The following KAT6A variants were observed in gnomAD, a reference collection of about 807,000 sequenced individuals.
KAT6A encodes the protein lysine acetyltransferase 6A.
In KAT6A, 9 loss-of-function variants were observed where a neutral mutation model predicts 198.4. That is an observed-to-expected ratio of 0.05 (90% confidence interval 0.03 to 0.08). The LOEUF is 0.08. KAT6A is among the 10% of genes least tolerant of loss of function. KAT6A has a pLI of 1.00. For missense variants in KAT6A, 2,077 were observed against 2,509.9 expected, an observed-to-expected ratio of 0.83 and a Z score of 3.69; for synonymous variants, 890 against 883.0, an observed-to-expected ratio of 1.01 and a Z score of -0.14.
At chr8:42,007,961 CAAAAAAAAA>C (rs988491987) in intron 2 of KAT6A, among the ~76,000 whole-genome samples, 5 of 42,896 alleles carry the variant, frequency 1.2e-4, no homozygotes, top group East Asian at 7.3e-4. Flanking sequence ...GACTCCGTCT[CAAAAAAAAA>C]AAAAAAAAAA....
intron 16 of KAT6A, among the ~76,000 whole-genome samples, chr8:41,936,767 A>T (rs888263495): frequency 6.6e-6 from 1 of 152,360 alleles, no homozygotes. Flanking sequence ...AACAGATGTG[A>T]CACAAGTTCC....
At position 41,980,944 on chromosome 8, in the gene KAT6A, A is replaced by G. The variant is rs1423966660; in HGVS notation, c.826-17T>C. ...CATGTTATCCTATTAGAAAAAAGAA[A>G]GGACAGTTTTGCTTAACCTTATGAA... On this transcript the variant is annotated splice_polypyrimidine_tract_variant and intron_variant, in intron 4 of 16. Coordinates refer to ENST00000265713, the MANE Select transcript of KAT6A (RefSeq NM_006766.5). 2.5e-6 allele frequency: 4 copies of G among 1,581,770 alleles called. No individual in the cohort carries two copies. In the African/African-American group the frequency reaches 5.4e-5, roughly 21 times the overall value.
In KAT6A at chr8:41,978,492, T is replaced by C; in HGVS notation, c.1043+150A>G. ...CACTTAGAATAGTGTCTGGCACTTA[T>C]TAAGGGCTGAATAAGTGTTAGCCAT... On this transcript the variant is annotated intron_variant, in intron 6 of 16. Coordinates refer to ENST00000265713, the MANE Select transcript of KAT6A (RefSeq NM_006766.5). The C allele has an allele frequency of 7.9e-6, 6 of 763,892 alleles. No homozygotes were observed. In the Middle Eastern group the frequency reaches 7.3e-4, roughly 93 times the overall value. The allele number at this position is 763,892 out of a possible 1,614,324, so 47.3% of individuals were successfully genotyped here. A position where few individuals can be genotyped will look rare whatever the true frequency, so the allele number is the denominator to read the frequency against.
chr8:41,952,527 C>T (rs1587734368), intron 9 of KAT6A, among the ~76,000 whole-genome samples: 1 of 152,164 alleles, frequency 6.6e-6, no homozygotes, highest in South Asian at 2.1e-4. Context: ...TACAAGATTA[C>T]TTAATAGGCA....
intron 2 of KAT6A, among the ~76,000 whole-genome samples, chr8:42,006,188 G>C (rs1825736002): frequency 6.6e-6 from 1 of 152,204 alleles, no homozygotes; most frequent in Non-Finnish European, 1.5e-5. Flanking sequence ...GAAGAGTCTA[G>C]CCTTGTCTGC....
At chr8:42,045,879 G>A (rs1802254629) in intron 2 of KAT6A, among the ~76,000 whole-genome samples, 1 of 151,538 alleles carries the variant, frequency 6.6e-6, no homozygotes. Context: ...CAGCTACTCA[G>A]GAGGTTGAGG....
Position 42,048,998 on chromosome 8 carries a change from CAT to C in KAT6A, c.-23_-22del. ...ACCATGGTGAAGGATTCTGTATATC[CAT>C]AGAGTCGTTATCCCTTATCCTGATG... On this transcript the variant is annotated 5_prime_UTR_variant, in exon 2 of 17. The change abolishes an upstream ATG in the 5' untranslated region. Coordinates refer to ENST00000265713, the MANE Select transcript of KAT6A (RefSeq NM_006766.5). 1 of 1,601,320 alleles carries C rather than the reference CAT, an allele frequency of 6.2e-7. No homozygotes were observed. Among genetic ancestry groups the C allele is most frequent in the Non-Finnish European group, 8.5e-7 (1 of 1,175,342 alleles).
intron 2 of KAT6A, among the ~76,000 whole-genome samples, chr8:42,014,131 C>A (rs1464803392): frequency 6.6e-6 from 1 of 151,164 alleles, no homozygotes; most frequent in African/African-American, 2.4e-5. Context: ...AAAAAAAAAA[C>A]ATTTTTAGCT....
At chr8:41,968,752 A>G (rs1211074255) in intron 8 of KAT6A, among the ~76,000 whole-genome samples, 1 of 152,188 alleles carries the variant, frequency 6.6e-6, no homozygotes, top group African/African-American at 2.4e-5. Flanking sequence ...TTGAAATAAA[A>G]TTCTAGAACA....
At chr8:42,028,838 G>C (rs986520368) in intron 2 of KAT6A, among the ~76,000 whole-genome samples, 1 of 152,078 alleles carries the variant, frequency 6.6e-6, no homozygotes, top group Non-Finnish European at 1.5e-5. Flanking sequence ...GTAATTTCCT[G>C]TGGTAATATT....
chr8:42,017,020 T>C (rs560150125), intron 2 of KAT6A, among the ~76,000 whole-genome samples: 54 of 152,264 alleles, frequency 3.5e-4, no homozygotes, highest in Admixed American at 9.2e-4. Context: ...TTTAGATACT[T>C]GATAGAGACT....
At chr8:41,957,067 T>C (rs747578860) in intron 8 of KAT6A, 12 of 598,740 alleles carry the variant, frequency 2.0e-5, no homozygotes, top group Non-Finnish European at 3.3e-6. Context: ...GCACTGTCTG[T>C]TGTTTGAGGG....
At chr8:41,979,112 A>C (rs1824216371) in intron 5 of KAT6A, among the ~76,000 whole-genome samples, 1 of 151,710 alleles carries the variant, frequency 6.6e-6, no homozygotes, top group African/African-American at 2.4e-5. Flanking sequence ...TACTAAAAAT[A>C]CAAAAATTAG....
intron 8 of KAT6A, among the ~76,000 whole-genome samples, chr8:41,973,579 GC>G (rs1381698226): frequency 6.6e-6 from 1 of 152,162 alleles, no homozygotes; most frequent in African/African-American, 2.4e-5. Context: ...TTTGTTGGTG[GC>G]AAAGAAGGAA....
In KAT6A at chr8:42,040,735, CAAAAAAAAAAAA is replaced by C. The variant is rs59959496; in HGVS notation, c.600+7631_600+7642del. On this transcript the variant is annotated intron_variant, in intron 2 of 16. Coordinates refer to ENST00000265713, the MANE Select transcript of KAT6A (RefSeq NM_006766.5). ...AAGTGACAAGAGCAAGACTCTGTCTCAAAAAAAAAAAAAAAAAAAAAAAAAGAAAGAAAGAAA... is the reference window on the plus strand; with the variant it reads ...AAGTGACAAGAGCAAGACTCTGTCTCAAAAAAAAAAAAAGAAAGAAAGAAA... Among the ~76,000 whole-genome samples, 24 of 54,670 alleles carry C rather than the reference CAAAAAAAAAAAA, an allele frequency of 4.4e-4. 1 individual carries two copies. Among genetic ancestry groups the C allele is most frequent in the Middle Eastern group, 0.017 (1 of 60 alleles). The allele number at this position is 54,670 out of a possible 152,430, so 35.9% of individuals were successfully genotyped here.
intron 2 of KAT6A, among the ~76,000 whole-genome samples, chr8:42,040,192 C>G (rs1051070947): frequency 1.3e-5 from 2 of 151,880 alleles, no homozygotes; most frequent in African/African-American, 4.8e-5. Flanking sequence ...AACACATCAT[C>G]AGCCCTTAAC....
chr8:41,941,775 C>G (rs1450923858), intron 14 of KAT6A, among the ~76,000 whole-genome samples: 1 of 152,216 alleles, frequency 6.6e-6, no homozygotes, highest in Non-Finnish European at 1.5e-5. Context: ...GCCTGGCAGT[C>G]TGACTCCAGA....
At chr8:41,972,512 T>C (rs1823846975) in intron 8 of KAT6A, among the ~76,000 whole-genome samples, 1 of 152,228 alleles carries the variant, frequency 6.6e-6, no homozygotes, top group African/African-American at 2.4e-5. Flanking sequence ...ACATGCCTTC[T>C]GATGTGACAC....
chr8:41,935,672 TAAG>T (rs1821813089), intron 16 of KAT6A, among the ~76,000 whole-genome samples: 1 of 152,146 alleles, frequency 6.6e-6, no homozygotes, highest in Non-Finnish European at 1.5e-5. Flanking sequence ...TTTTAAAGAA[TAAG>T]AATACCAAGA....
Sources: gnomAD v4.1 joint callset for allele counts (sites outside exome capture counted in the v4.1 genomes callset) on GRCh38, gnomAD v4.1.1 for gene constraint, MANE v1.5 for transcripts, NCBI Gene and HGNC (gene_info 2026-07-23, HGNC 2026-07-21) for gene names.